FBXW7: variants seen among roughly 807,000 people sequenced by gnomAD.
The protein encoded by FBXW7 is F-box and WD repeat domain containing 7.
FBXW7 carries 11 observed loss-of-function variants against 86.3 expected under a neutral mutation model. The observed-to-expected ratio is 0.13, with a 90% CI of 0.08 to 0.21. The LOEUF is 0.21. Among genes scored for constraint, FBXW7 ranks in the 10% least tolerant of loss-of-function variants. The pLI, the probability that FBXW7 is intolerant of heterozygous loss-of-function variation, is 1.00. For missense variants in FBXW7, 488 were observed against 847.4 expected (o/e 0.58, Z 5.27); for synonymous variants, 313 against 297.9 (o/e 1.05, Z -0.52).
intron 5 of FBXW7, chr4:152,348,847 C>T (rs1731521592): frequency 4.3e-6 from 1 of 232,876 alleles, no homozygotes; most frequent in Non-Finnish European, 8.0e-6. Flanking sequence ...CCTCCACACC[C>T]TCTGGTGGAA....
chr4:152,381,749 A>G (rs376728565), intron 4 of FBXW7, among the ~76,000 whole-genome samples: 8 of 152,234 alleles, frequency 5.3e-5, no homozygotes, highest in African/African-American at 1.2e-4. Flanking sequence ...TAGCAATTTA[A>G]AAAAATAATA....
intron 4 of FBXW7, among the ~76,000 whole-genome samples, chr4:152,397,999 C>T (rs1241668958): frequency 1.3e-5 from 2 of 151,870 alleles, no homozygotes; most frequent in South Asian, 4.1e-4. Context: ...TCTGCACATA[C>T]ATTTATCCCA....
At chr4:152,459,079 T>C (rs1250702675) in intron 2 of FBXW7, among the ~76,000 whole-genome samples, 4 of 152,082 alleles carry the variant, frequency 2.6e-5, no homozygotes, top group East Asian at 1.9e-4. Context: ...AATGGCCCCC[T>C]AGGAGAGGTG....
chr4:152,387,607 T>TAAA lies in FBXW7; in HGVS notation c.501+23693_501+23695dup, dbSNP rs140171187. Among the ~76,000 whole-genome samples, 245 of 129,176 alleles carry TAAA rather than the reference T, an allele frequency of 1.9e-3. 3 individuals are homozygous for TAAA. The East Asian group carries it at 0.02, about 10-fold the overall frequency. The allele number at this position is 129,176 out of a possible 152,430, so 84.7% of individuals were successfully genotyped here. A position where few individuals can be genotyped will look rare whatever the true frequency, so the allele number is the denominator to read the frequency against. On this transcript the variant is annotated intron_variant, in intron 4 of 13. Transcript: ENST00000281708. ...ATCAAGCTTGTATTAGCAAAAACTG[T>TAAA]AAAAAAAAAAAAAAAAACATCCAGC... is the stretch of plus-strand genomic sequence containing the variant.
intron 4 of FBXW7, among the ~76,000 whole-genome samples, chr4:152,387,866 G>A (rs1735675160): frequency 6.6e-6 from 1 of 151,650 alleles, no homozygotes; most frequent in African/African-American, 2.4e-5. Context: ...CCACCACCAC[G>A]CCCAGCTAAT....
In FBXW7 at chr4:152,324,248, C is replaced by T. The variant is rs917457525; in HGVS notation, c.1791G>A (p.Gly597=). 3 of 1,612,902 alleles carry T rather than the reference C, an allele frequency of 1.9e-6. No homozygotes were observed. Among genetic ancestry groups the T allele is most frequent in the African/African-American group, 2.7e-5 (2 of 74,830 alleles). ...AGATTTTAACTGTAGAATCTGCATT[C>T]CCAGAGACAAGAATATTGTCTTTGA... ...MELKDNILVS[G]NADSTVKIWD... is the part of the protein sequence containing the mutation. The change falls in exon 13 of 14, where the codon GGG becomes GGA. Residue 597 remains glycine (G), a synonymous_variant. Coordinates refer to ENST00000281708, the MANE Select transcript of FBXW7 (RefSeq NM_001349798.2).
chr4:152,330,658 T>C, intron 9 of FBXW7, 74 bp downstream of exon 9: 1 of 1,352,704 alleles, frequency 7.4e-7, no homozygotes, highest in East Asian at 2.6e-5. Flanking sequence ...ATTATACAGT[T>C]TGCCAAGTGA....
intron 2 of FBXW7, 118 bp downstream of exon 2, chr4:152,534,823 T>C (rs532122023): frequency 5.3e-5 from 8 of 152,368 alleles, no homozygotes; most frequent in African/African-American, 1.9e-4. Context: ...TGAATAAAGC[T>C]AGACTCCCTC....
At position 152,322,389 on chromosome 4, in the gene FBXW7, A is replaced by C. The variant is rs1221990721; in HGVS notation, c.*492T>G. On this transcript the variant is annotated 3_prime_UTR_variant, in exon 14 of 14. Transcript: ENST00000281708. ...AAAACAATTCACAGTAATTTTTTTA[A>C]GCTTTTCCACTCCAGAAAAATGACT... 8.6e-6 allele frequency: 2 copies of C among 233,706 alleles called. No individual in the cohort carries two copies. The highest frequency in any genetic ancestry group is 1.1e-4 in the Admixed American group (2 of 18,062). 14.5% of individuals were successfully genotyped at this position (233,706 alleles called of 1,614,324 possible). A position where few individuals can be genotyped will look rare whatever the true frequency, so the allele number is the denominator to read the frequency against.
Position 152,514,745 on chromosome 4 carries a change from C to T in FBXW7, c.-120+20196G>A, listed in dbSNP as rs114418478. On this transcript the variant is annotated intron_variant, in intron 2 of 13. Transcript: ENST00000281708. Reference sequence around the variant, plus strand: ...CACTCTCTGCCATGAGTGGAAGCTTCCTGAAGCCCTCACCAGAAAGCAGAT... The same window carrying T: ...CACTCTCTGCCATGAGTGGAAGCTTTCTGAAGCCCTCACCAGAAAGCAGAT... 9.5e-3 allele frequency among the ~76,000 whole-genome samples: 1,452 copies of T among 152,268 alleles called. 13 individuals are homozygous for T. Among genetic ancestry groups the T allele is most frequent in the Non-Finnish European group, 0.014 (940 of 68,020 alleles).
intron 2 of FBXW7, among the ~76,000 whole-genome samples, chr4:152,533,417 G>A (rs1750187534): frequency 6.6e-6 from 1 of 152,074 alleles, no homozygotes; most frequent in Admixed American, 6.6e-5. Flanking sequence ...AACAGAATAC[G>A]TGACTCTGAT....
intron 3 of FBXW7, 64 bp downstream of exon 3, chr4:152,412,416 T>G (rs1738044125): frequency 6.6e-6 from 1 of 151,870 alleles, no homozygotes; most frequent in African/African-American, 2.4e-5. Context: ...TTAATTTTTT[T>G]ACAAATGACT....
At chr4:152,444,238 C>T (rs1230881337) in intron 2 of FBXW7, among the ~76,000 whole-genome samples, 1 of 152,150 alleles carries the variant, frequency 6.6e-6, no homozygotes, top group Non-Finnish European at 1.5e-5. Context: ...CGAGACTTTA[C>T]ATTAAATCAT....
At chr4:152,465,399 A>G (rs1433922857) in intron 2 of FBXW7, among the ~76,000 whole-genome samples, 1 of 152,210 alleles carries the variant, frequency 6.6e-6, no homozygotes, top group Non-Finnish European at 1.5e-5. Flanking sequence ...GATATAAACA[A>G]TTGGAGGTAG....
intron 2 of FBXW7, among the ~76,000 whole-genome samples, chr4:152,492,069 G>C (rs1315495293): frequency 1.3e-5 from 2 of 152,118 alleles, no homozygotes; most frequent in African/African-American, 4.8e-5. Context: ...GAAGCAAAAG[G>C]CAACCTTTGT....
At position 152,439,865 on chromosome 4, in the gene FBXW7, C is replaced by CAAA. The variant is rs35657415; in HGVS notation, c.-119-27339_-119-27337dup. On this transcript the variant is annotated intron_variant, in intron 2 of 13. Transcript: ENST00000281708. ...TGGGTGACAGAGCAAGACTCCGTCACAAAAAAAAAAAAAAAAAAAAAGTCC... is the reference window on the plus strand; with the variant it reads ...TGGGTGACAGAGCAAGACTCCGTCACAAAAAAAAAAAAAAAAAAAAAAAAGTCC... Among the ~76,000 whole-genome samples, 32 of 57,080 alleles carry CAAA rather than the reference C, an allele frequency of 5.6e-4. 1 individual carries two copies. The highest frequency in any genetic ancestry group is 4.9e-3 in the South Asian group (9 of 1,824). The allele number at this position is 57,080 out of a possible 152,430, so 37.4% of individuals were successfully genotyped here.
intron 2 of FBXW7, among the ~76,000 whole-genome samples, chr4:152,430,180 G>A (rs1459359781): frequency 1.3e-5 from 2 of 152,134 alleles, no homozygotes; most frequent in Non-Finnish European, 1.5e-5. Context: ...TCTCTGAACG[G>A]CTGAGTTTAG....
At chr4:152,460,706 AT>A (rs1342561637) in intron 2 of FBXW7, among the ~76,000 whole-genome samples, 2 of 152,186 alleles carry the variant, frequency 1.3e-5, no homozygotes, top group Non-Finnish European at 2.9e-5. Context: ...GTATTGAGCA[AT>A]TTGACCACTT....
intron 2 of FBXW7, among the ~76,000 whole-genome samples, chr4:152,424,406 C>G (rs1326322599): frequency 1.3e-5 from 2 of 152,122 alleles, no homozygotes; most frequent in African/African-American, 4.8e-5. Context: ...TGACATTAAA[C>G]AGAAATATAG....
Sources: gnomAD v4.1 joint callset for allele counts (sites outside exome capture counted in the v4.1 genomes callset) on GRCh38, gnomAD v4.1.1 for gene constraint, MANE v1.5 for transcripts, NCBI Gene and HGNC (gene_info 2026-07-23, HGNC 2026-07-21) for gene names.